SLC23A1: variants seen among roughly 807,000 people sequenced by gnomAD.
SLC23A1 encodes the protein solute carrier family 23 member 1.
Under a neutral mutation model 62.5 loss-of-function variants are expected in SLC23A1, and 31 were observed. The ratio of observed to expected loss-of-function variants is 0.50; its 90% CI spans 0.37 to 0.67. SLC23A1 has a LOEUF of 0.67. SLC23A1 is among the 30% of genes least tolerant of loss of function. The pLI is 0.00. For synonymous variants in SLC23A1, 271 were observed against 313.2 expected (o/e 0.87, Z 1.42); for missense variants, 640 against 782.7 (o/e 0.82, Z 2.18).
intron 14 of SLC23A1, among the ~76,000 whole-genome samples, chr5:139,368,131 C>G (rs930613089): frequency 1.3e-5 from 2 of 152,108 alleles, no homozygotes; most frequent in Non-Finnish European, 2.9e-5. Flanking sequence ...GTCAGGAGAT[C>G]GAGACCATCC....
intron 13 of SLC23A1, among the ~76,000 whole-genome samples, chr5:139,374,443 A>G (rs931282239): frequency 4.6e-5 from 7 of 152,218 alleles, no homozygotes; most frequent in Non-Finnish European, 1.0e-4. Context: ...TCTCAAAAAC[A>G]AAACAAACAA....
chr5:139,383,168 G>GTCCCCCC, intron 1 of SLC23A1, 50 bp downstream of exon 1: 1 of 242,714 alleles, frequency 4.1e-6, no homozygotes, highest in Non-Finnish European at 6.8e-6. Flanking sequence ...AGGCCCTCCA[G>GTCCCCCC]CCCCCCACCC....
chr5:139,385,073 A>T (rs1328875022), upstream of SLC23A1, among the ~76,000 whole-genome samples: 1 of 152,076 alleles, frequency 6.6e-6, no homozygotes, highest in African/African-American at 2.4e-5. Context: ...CCCTACTACT[A>T]CTCAGCCAGG....
At chr5:139,370,360 C>T (rs1317482524) in intron 14 of SLC23A1, among the ~76,000 whole-genome samples, 5 of 151,930 alleles carry the variant, frequency 3.3e-5, no homozygotes, top group East Asian at 1.9e-4. Context: ...TAGTAGAGAC[C>T]GAGTTTCACC....
rs562377484 is a variant in SLC23A1, at chr5:139,375,610, G to A, written c.1549+1792C>T. Among the ~76,000 whole-genome samples the A allele has an allele frequency of 8.5e-5, 13 of 152,204 alleles. 1 individual carries two copies. Among genetic ancestry groups the A allele is most frequent in the African/African-American group, 1.7e-4 (7 of 41,514 alleles). On this transcript the variant is annotated intron_variant, in intron 13 of 14. Coordinates refer to ENST00000348729, the MANE Select transcript of SLC23A1 (RefSeq NM_005847.5). ...AGCACTTTGGGAGGCCAAGGTGGGCGGATCACCTGAGGTCAGGAGTTTGAG... is the reference window on the plus strand; with the variant it reads ...AGCACTTTGGGAGGCCAAGGTGGGCAGATCACCTGAGGTCAGGAGTTTGAG...
upstream of SLC23A1, chr5:139,384,735 A>T (rs1450447263): frequency 1.0e-6 from 1 of 985,308 alleles, no homozygotes; most frequent in Non-Finnish European, 1.2e-6. Flanking sequence ...CCACAGTAGC[A>T]TGAAGGGGCC....
rs913244352 is a variant in SLC23A1 at position 139,379,983 on chromosome 5, G to C, written c.741C>G (p.Leu247=). Residue 247 remains leucine, a synonymous_variant, in exon 7 of 15, where the codon CTC becomes CTG. Transcript: ENST00000348729. This position sits in a 1 kb window ranked among gnomAD's most constrained non-coding sequence, Gnocchi z 4.7. The part of the protein sequence containing the change: ...VYRWGKGLTL[L]RIQIFKMFPI... Reference sequence around the variant, plus strand: ...GAAACATTTTGAAGATCTGGATGCGGAGGAGAGTGAGGCCCTTGCCCCAGC... The same window carrying C: ...GAAACATTTTGAAGATCTGGATGCGCAGGAGAGTGAGGCCCTTGCCCCAGC... 16 of 1,614,016 alleles carry C rather than the reference G, an allele frequency of 9.9e-6. No individual in the cohort carries two copies. The highest frequency in any genetic ancestry group is 1.3e-5 in the African/African-American group (1 of 74,908).
At chr5:139,370,822 G>C (rs1388654269) in intron 14 of SLC23A1, among the ~76,000 whole-genome samples, 1 of 151,928 alleles carries the variant, frequency 6.6e-6, no homozygotes, top group Non-Finnish European at 1.5e-5. Flanking sequence ...TGGGTGCGGT[G>C]GCTCACGCCT....
At position 139,379,000 on chromosome 5, in the gene SLC23A1, C is replaced by T. The variant is rs1280218902; in HGVS notation, c.1073+207G>A. 6.6e-6 allele frequency among the ~76,000 whole-genome samples: 1 copy of T among 152,162 alleles called. No homozygotes were observed. Among genetic ancestry groups the T allele is most frequent in the Admixed American group, 6.5e-5 (1 of 15,278 alleles). On this transcript the variant is annotated intron_variant, in intron 9 of 14. Coordinates refer to ENST00000348729, the MANE Select transcript of SLC23A1 (RefSeq NM_005847.5). This position sits in a 1 kb window ranked among gnomAD's most constrained non-coding sequence, Gnocchi z 4.5. ...GAGGGCTGTCAATGACGGTGGTTCC[C>T]TTTGGACTCCACCATCTTCTCAGCT...
intron 14 of SLC23A1, among the ~76,000 whole-genome samples, chr5:139,370,569 A>G (rs1429287068): frequency 6.6e-6 from 1 of 151,468 alleles, no homozygotes; most frequent in Admixed American, 6.6e-5. Context: ...TCTCAGTTCA[A>G]TGCAACCTCT....
chr5:139,371,924 G>T, intron 14 of SLC23A1, 63 bp downstream of exon 14: 21 of 1,306,046 alleles, frequency 1.6e-5, no homozygotes, highest in South Asian at 1.3e-5. Context: ...GTTTTTCTTT[G>T]GTTAAAGCAT....
At chr5:139,381,033 G>C (rs968345464) in intron 3 of SLC23A1, 147 bp from the exon 4 acceptor site, 3 of 593,186 alleles carry the variant, frequency 5.1e-6, no homozygotes, top group Non-Finnish European at 9.2e-6. Flanking sequence ...TGAGGCCCCA[G>C]GGAAGACCAT....
In SLC23A1 at chr5:139,380,393, G is replaced by A; in HGVS notation, c.466-4C>T. The stretch of plus-strand genomic sequence containing the variant: ...ACACCATGATTGCACCCTGGACCTG[G>A]AAGGGCAAACATCAGCCGTAAGTCA... On this transcript the variant is annotated splice_polypyrimidine_tract_variant and splice_region_variant and intron_variant, in intron 5 of 14. Transcript: ENST00000348729. 1 of 1,613,472 alleles carries A rather than the reference G, an allele frequency of 6.2e-7. No individual in the cohort carries two copies. The highest frequency in any genetic ancestry group is 1.1e-5 in the South Asian group (1 of 90,940).
At chr5:139,371,437 C>A (rs957082595) in intron 14 of SLC23A1, among the ~76,000 whole-genome samples, 2 of 152,144 alleles carry the variant, frequency 1.3e-5, no homozygotes, top group African/African-American at 2.4e-5. Context: ...GCTGCCCATG[C>A]GTTCTGAAGA....
At position 139,367,597 on chromosome 5, in the gene SLC23A1, A is replaced by G. The variant is rs1282403420; in HGVS notation, c.*54T>C. 4 of 152,072 alleles carry G rather than the reference A, an allele frequency of 2.6e-5. No homozygotes were observed. Among genetic ancestry groups the G allele is most frequent in the Admixed American group, 6.6e-5 (1 of 15,258 alleles). The allele number at this position is 152,072 out of a possible 1,614,324, so 9.4% of individuals were successfully genotyped here. A position where few individuals can be genotyped will look rare whatever the true frequency, so the allele number is the denominator to read the frequency against. ...TCAGGCTTAGGTCTTCTGGTTCCCC[A>G]TGTAGTTTTCTTTTCCTGTTATATA... is the stretch of plus-strand genomic sequence containing the variant. On this transcript the variant is annotated 3_prime_UTR_variant, in exon 15 of 15. Transcript: ENST00000348729.
At chr5:139,383,941 C>A (rs1485241290), upstream of SLC23A1, among the ~76,000 whole-genome samples, 1 of 152,260 alleles carries the variant, frequency 6.6e-6, no homozygotes, top group East Asian at 1.9e-4. Context: ...CCTCTGCAGG[C>A]AGAGCTGCCT....
At chr5:139,368,850 G>C (rs1757470907) in intron 14 of SLC23A1, 2 of 1,306,888 alleles carry the variant, frequency 1.5e-6, no homozygotes, top group Non-Finnish European at 1.1e-6. Context: ...CACTGTGAAG[G>C]CAGTATTAGA....
Position 139,380,796 on chromosome 5 carries a change from A to T in SLC23A1, c.397+2T>A. ...CAGTGCAGACCCCAGAAGTGTACCC[A>T]CCTTCCGGGGGGCATTTCCATCTCT... On this transcript the variant is annotated splice_donor_variant, in intron 4 of 14. Coordinates refer to ENST00000348729, the MANE Select transcript of SLC23A1 (RefSeq NM_005847.5). LOFTEE classifies it high-confidence loss of function. The T allele has an allele frequency of 6.4e-7, 1 of 1,553,856 alleles. No homozygotes were observed. The highest frequency in any genetic ancestry group is 8.8e-7 in the Non-Finnish European group (1 of 1,140,960).
chr5:139,376,925 C>T (rs993741369), intron 13 of SLC23A1, among the ~76,000 whole-genome samples: 7 of 152,060 alleles, frequency 4.6e-5, no homozygotes, highest in African/African-American at 1.7e-4. Flanking sequence ...AGTTCAAGAC[C>T]AGCCTGCCCA....
Sources: allele counts gnomAD v4.1 joint callset (sites outside exome capture counted in the v4.1 genomes callset), GRCh38; gene constraint gnomAD v4.1.1; non-coding constraint Gnocchi (gnomAD v3.1); transcripts MANE v1.5; gene names NCBI Gene and HGNC (gene_info 2026-07-23, HGNC 2026-07-21).